COL19A1: variants seen among roughly 807,000 people sequenced by gnomAD.
COL19A1 encodes the protein collagen type XIX alpha 1 chain.
Under a neutral mutation model 190.2 loss-of-function variants are expected in COL19A1, and 159 were observed. The observed-to-expected ratio is 0.84, with a 90% CI of 0.73 to 0.95. The LOEUF is 0.95. COL19A1 is among the 40% of genes least tolerant of loss of function. COL19A1 has a pLI of 0.00. For missense variants in COL19A1, 1,418 were observed against 1,431.9 expected, an observed-to-expected ratio of 0.99 and a Z score of 0.16; for synonymous variants, 509 against 458.9, an observed-to-expected ratio of 1.11 and a Z score of -1.39.
intron 14 of COL19A1, among the ~76,000 whole-genome samples, chr6:70,061,310 A>G (rs920880828): frequency 1.3e-5 from 2 of 152,148 alleles, no homozygotes; most frequent in Non-Finnish European, 2.9e-5. Flanking sequence ...CATGGCTAGA[A>G]TTACAAATTG....
At chr6:69,948,670 A>T (rs1003129285) in intron 9 of COL19A1, among the ~76,000 whole-genome samples, 7 of 151,802 alleles carry the variant, frequency 4.6e-5, no homozygotes, top group Non-Finnish European at 7.4e-5. Flanking sequence ...AAGAGAGGGC[A>T]TTTAGGGCAA....
intron 16 of COL19A1, among the ~76,000 whole-genome samples, chr6:70,115,830 T>TG (rs1234295426): frequency 3.6e-5 from 5 of 139,066 alleles, no homozygotes; most frequent in African/African-American, 1.3e-4. Flanking sequence ...GTTTTGTTTT[T>TG]TTTTTTTTTT....
intron 11 of COL19A1, among the ~76,000 whole-genome samples, chr6:69,991,429 T>C (rs1004867011): frequency 1.3e-5 from 2 of 152,018 alleles, no homozygotes; most frequent in Non-Finnish European, 2.9e-5. Context: ...TTGCTGGGTC[T>C]AATGGTAGTT....
intron 14 of COL19A1, among the ~76,000 whole-genome samples, chr6:70,039,695 G>A (rs1779537169): frequency 1.3e-5 from 2 of 151,722 alleles, no homozygotes; most frequent in Non-Finnish European, 2.9e-5. Context: ...TAGTAATTGA[G>A]CACACTGTAA....
chr6:70,126,044 T>C (rs1785173313), intron 17 of COL19A1, among the ~76,000 whole-genome samples: 2 of 152,032 alleles, frequency 1.3e-5, no homozygotes, highest in African/African-American at 4.8e-5. Flanking sequence ...ATATTGAAAA[T>C]GCAGAGTTGT....
At chr6:70,119,754 T>A (rs1384445296) in intron 16 of COL19A1, among the ~76,000 whole-genome samples, 1 of 152,184 alleles carries the variant, frequency 6.6e-6, no homozygotes, top group Non-Finnish European at 1.5e-5. Flanking sequence ...CTAAATTAGT[T>A]AATTCCTGCT....
At chr6:70,182,046 T>C (rs1766209207) in intron 44 of COL19A1, among the ~76,000 whole-genome samples, 1 of 152,180 alleles carries the variant, frequency 6.6e-6, no homozygotes, top group Admixed American at 6.5e-5. Context: ...TTGTAGCAAA[T>C]AATGAAAATG....
Position 70,137,665 on chromosome 6 carries a change from C to G in COL19A1, c.1384-20C>G. The G allele has an allele frequency of 5.6e-6, 9 of 1,612,576 alleles. No individual in the cohort carries two copies. The highest frequency in any genetic ancestry group is 2.2e-5 in the East Asian group (1 of 44,852). On this transcript the variant is annotated intron_variant, in intron 18 of 50. Coordinates refer to ENST00000620364, the MANE Select transcript of COL19A1 (RefSeq NM_001858.6). ...TTCTCTAACCATCTGCAAAATCTCT[C>G]TTCTGCTTTGTCTTGAAAGGGTGAA...
chr6:69,967,365 T>G (rs938006803), intron 11 of COL19A1, among the ~76,000 whole-genome samples: 1 of 152,160 alleles, frequency 6.6e-6, no homozygotes, highest in Admixed American at 6.5e-5. Flanking sequence ...AAATGAGCAC[T>G]TCTTCGTGAA....
intron 4 of COL19A1, among the ~76,000 whole-genome samples, chr6:69,919,883 CT>C (rs1357500301): frequency 6.6e-6 from 1 of 152,034 alleles, no homozygotes; most frequent in East Asian, 1.9e-4. Context: ...ACTTTTGCAA[CT>C]TAATTTTTAC....
chr6:70,158,204 T>C (rs2150255006), intron 34 of COL19A1, among the ~76,000 whole-genome samples: 1 of 152,256 alleles, frequency 6.6e-6, no homozygotes, highest in South Asian at 2.1e-4. Flanking sequence ...GCTTTTTCTT[T>C]AGCAGATGGG....
intron 11 of COL19A1, among the ~76,000 whole-genome samples, chr6:69,988,204 A>G (rs571570913): frequency 6.6e-6 from 1 of 152,190 alleles, no homozygotes; most frequent in South Asian, 2.1e-4. Flanking sequence ...CAGCCTCATC[A>G]GTGGTTTACT....
At chr6:70,168,706 T>C in intron 40 of COL19A1, 25 bp downstream of exon 40, 1 of 1,611,656 alleles carries the variant, frequency 6.2e-7, no homozygotes, top group Non-Finnish European at 8.5e-7. Flanking sequence ...ATGTTTTGTG[T>C]CATTTAGAAT....
intron 14 of COL19A1, among the ~76,000 whole-genome samples, chr6:70,066,682 T>C (rs1252824713): frequency 1.3e-5 from 2 of 151,946 alleles, no homozygotes; most frequent in Non-Finnish European, 2.9e-5. Context: ...CTATGGATCA[T>C]GATAAGTACA....
At chr6:69,932,168 C>A (rs1237761902) in intron 6 of COL19A1, among the ~76,000 whole-genome samples, 2 of 151,366 alleles carry the variant, frequency 1.3e-5, no homozygotes, top group African/African-American at 4.9e-5. Flanking sequence ...TGTCCAAATG[C>A]CAAAAAAAGA....
intron 14 of COL19A1, among the ~76,000 whole-genome samples, chr6:70,057,004 T>C (rs970983504): frequency 2.0e-5 from 3 of 152,188 alleles, no homozygotes; most frequent in African/African-American, 7.2e-5. Flanking sequence ...TTATGTTGCA[T>C]AACCCAAATG....
At chr6:69,999,210 A>G (rs1214786438) in intron 11 of COL19A1, among the ~76,000 whole-genome samples, 1 of 147,320 alleles carries the variant, frequency 6.8e-6, no homozygotes, top group African/African-American at 2.5e-5. Flanking sequence ...GGCGTGAGCC[A>G]CCATGCCCGG....
chr6:70,154,887 T>C (rs1195345555), intron 31 of COL19A1, among the ~76,000 whole-genome samples: 2 of 152,142 alleles, frequency 1.3e-5, no homozygotes, highest in African/African-American at 4.8e-5. Context: ...TTCCACCTTC[T>C]GCCTGCTTTA....
At chr6:69,997,078 T>C (rs1776961448) in intron 11 of COL19A1, among the ~76,000 whole-genome samples, 1 of 142,738 alleles carries the variant, frequency 7.0e-6, no homozygotes, top group African/African-American at 2.7e-5. Context: ...TCTAACAGAG[T>C]AGAAAAAGGA....
Sources: allele counts gnomAD v4.1 joint callset (sites outside exome capture counted in the v4.1 genomes callset), GRCh38; gene constraint gnomAD v4.1.1; transcripts MANE v1.5; gene names NCBI Gene and HGNC (gene_info 2026-07-23, HGNC 2026-07-21).